SEPTIN9: variants seen among roughly 807,000 people sequenced by gnomAD.
SEPTIN9 encodes the protein septin-9.
Under a neutral mutation model 56.6 loss-of-function variants are expected in SEPTIN9, and 13 were observed. The ratio of observed to expected loss-of-function variants is 0.23; its 90% confidence interval spans 0.15 to 0.37. The LOEUF (loss-of-function observed/expected upper bound fraction) is 0.37, where lower values mean the gene tolerates loss of function less well. Ranked by LOEUF, SEPTIN9 falls within the 10% of genes least tolerant of loss-of-function variation. The probability of loss-of-function intolerance (pLI) is 1.00; values close to 1 mark genes in which losing one functional copy is unlikely to be tolerated. For synonymous variants in SEPTIN9, 332 were observed against 334.1 expected, an observed-to-expected ratio of 0.99 and a Z score of 0.07; for missense variants, 650 against 823.1, an observed-to-expected ratio of 0.79 and a Z score of 2.57.
intron 1 of SEPTIN9, among the ~76,000 whole-genome samples, chr17:77,286,791 G>A (rs1450693486): frequency 6.6e-6 from 1 of 152,312 alleles, no homozygotes; most frequent in Non-Finnish European, 1.5e-5. Context: ...GTGCAGGCCC[G>A]GCCAGGGGGT....
intron 10 of SEPTIN9, 185 bp downstream of exon 10, chr17:77,493,261 G>GT (rs1217898828): frequency 3.3e-6 from 2 of 607,236 alleles, no homozygotes; most frequent in Admixed American, 5.4e-5. Context: ...CAAGTGGCCT[G>GT]TGCAGATGCC....
intron 2 of SEPTIN9, among the ~76,000 whole-genome samples, chr17:77,335,837 T>G (rs2033529329): frequency 1.4e-5 from 1 of 74,072 alleles, no homozygotes; most frequent in African/African-American, 9.7e-5. Flanking sequence ...TATATACATG[T>G]AGGCCCTATG....
chr17:77,411,391 C>G (rs2036290112), intron 3 of SEPTIN9, among the ~76,000 whole-genome samples: 1 of 139,558 alleles, frequency 7.2e-6, no homozygotes, highest in East Asian at 2.0e-4. Context: ...GTTCCTTTTT[C>G]TTTTTCTTTT....
At chr17:77,290,365 C>T (rs1277623904) in intron 1 of SEPTIN9, among the ~76,000 whole-genome samples, 1 of 151,146 alleles carries the variant, frequency 6.6e-6, no homozygotes, top group Non-Finnish European at 1.5e-5. Flanking sequence ...TCACACCATT[C>T]TCCTGCCTCA....
chr17:77,381,048 A>T (rs901017313), intron 2 of SEPTIN9, among the ~76,000 whole-genome samples: 7 of 152,210 alleles, frequency 4.6e-5, no homozygotes, highest in Non-Finnish European at 1.0e-4. Flanking sequence ...AGTGGCATGA[A>T]GAACATTCCT....
intron 3 of SEPTIN9, among the ~76,000 whole-genome samples, chr17:77,407,446 G>A (rs1214095615): frequency 6.6e-6 from 1 of 151,928 alleles, no homozygotes; most frequent in East Asian, 1.9e-4. Flanking sequence ...CCCATGGGTC[G>A]TCCCTAGAGA....
intron 3 of SEPTIN9, among the ~76,000 whole-genome samples, chr17:77,419,367 G>A (rs922619442): frequency 1.2e-4 from 18 of 152,110 alleles, no homozygotes; most frequent in Non-Finnish European, 4.4e-5. Flanking sequence ...AGCAGCAGCC[G>A]CCGCAGGGAC....
chr17:77,406,178 A>T (rs147960133), intron 3 of SEPTIN9, among the ~76,000 whole-genome samples: 220 of 152,142 alleles, frequency 1.4e-3, no homozygotes, highest in Non-Finnish European at 2.6e-3. Context: ...TTCTCTGCTC[A>T]CTCACCATAG....
chr17:77,484,052 G>C (rs1233702736), intron 4 of SEPTIN9: 11 of 152,280 alleles, frequency 7.2e-5, no homozygotes, highest in Admixed American at 7.2e-4. Flanking sequence ...CTCCTCCTCT[G>C]TGAGCCTTAG....
intron 3 of SEPTIN9, among the ~76,000 whole-genome samples, chr17:77,432,462 G>A (rs1368131598): frequency 1.3e-5 from 2 of 152,244 alleles, no homozygotes; most frequent in Non-Finnish European, 2.9e-5. Flanking sequence ...GCCTGGTGCT[G>A]AGAACGGGGG....
At position 77,487,541 on chromosome 17, in the gene SEPTIN9, C is replaced by G. The variant is rs2039844662; in HGVS notation, c.1031C>G (p.Ser344Cys). 1 of 1,613,454 alleles carries G rather than the reference C, an allele frequency of 6.2e-7. No individual in the cohort carries two copies. Among genetic ancestry groups the G allele is most frequent in the East Asian group, 2.2e-5 (1 of 44,872 alleles). Residue 344 changes from serine to cysteine, a missense_variant, in exon 5 of 12, where the codon TCC (serine) becomes TGC (cysteine). Around this residue, in one of 2 missense-constraint regions of SEPTIN9, gnomAD observed 333 missense variants for 494.0 expected, o/e 0.67. Coordinates refer to ENST00000427177, the MANE Select transcript of SEPTIN9 (RefSeq NM_001113491.2). The surrounding 1 kb of genome is among the most constrained non-coding windows in gnomAD (Gnocchi z 4.3). ...ATCCCCAAGACCATCGAGATCAAGT[C>G]CATCACGCACGGTCAGTGGCCGGGA... The part of the protein sequence containing the change: ...ERIPKTIEIK[S>C]ITHDIEEKGV...
In SEPTIN9 at chr17:77,373,728, C is replaced by T. The variant is rs537893146; in HGVS notation, c.77-28331C>T. 1.2e-5 allele frequency: 15 copies of T among 1,274,686 alleles called. No homozygotes were observed. The South Asian group carries it at 1.5e-4, about 13-fold the overall frequency. The allele number at this position is 1,274,686 out of a possible 1,614,324, so 79.0% of individuals were successfully genotyped here. On this transcript the variant is annotated intron_variant, in intron 2 of 11. Coordinates refer to ENST00000427177, the MANE Select transcript of SEPTIN9 (RefSeq NM_001113491.2). ...CCGCGCGCCCCCGGCCCCGTGCCCGCGCCGCCTACGTGGGGGACCCTGTTA... is the reference window on the plus strand; with the variant it reads ...CCGCGCGCCCCCGGCCCCGTGCCCGTGCCGCCTACGTGGGGGACCCTGTTA...
chr17:77,344,619 G>A (rs182690910), intron 2 of SEPTIN9, among the ~76,000 whole-genome samples: 82 of 152,246 alleles, frequency 5.4e-4, no homozygotes, highest in African/African-American at 1.1e-3. Flanking sequence ...GTCCACCAGC[G>A]GATGAATGAA....
At chr17:77,392,698 C>G (rs1263627731) in intron 2 of SEPTIN9, among the ~76,000 whole-genome samples, 1 of 152,158 alleles carries the variant, frequency 6.6e-6, no homozygotes, top group African/African-American at 2.4e-5. Flanking sequence ...TGGTTCTTCC[C>G]TCCCAGACCT....
chr17:77,281,607 C>T, intron 1 of SEPTIN9, 53 bp downstream of exon 1: 1 of 1,502,032 alleles, frequency 6.7e-7, no homozygotes. Context: ...ACCAGCGCTG[C>T]TCACCTGAGT....
intron 2 of SEPTIN9, chr17:77,380,340 G>T (rs911337519): frequency 1.1e-5 from 1 of 87,340 alleles, no homozygotes; most frequent in Non-Finnish European, 2.3e-5. Flanking sequence ...GGGGGAGGCC[G>T]GGAATGCGGG....
intron 1 of SEPTIN9, among the ~76,000 whole-genome samples, chr17:77,284,939 T>C (rs1178966757): frequency 1.3e-5 from 2 of 152,202 alleles, no homozygotes; most frequent in East Asian, 1.9e-4. Flanking sequence ...GCCTCATTTG[T>C]TAAATGGGAC....
intron 1 of SEPTIN9, among the ~76,000 whole-genome samples, chr17:77,300,842 C>G (rs1342031562): frequency 8.3e-6 from 1 of 120,498 alleles, no homozygotes; most frequent in Non-Finnish European, 1.8e-5. Context: ...CAAAGCGCCC[C>G]CACCCCAGGC....
At chr17:77,292,826 G>A (rs1005931641) in intron 1 of SEPTIN9, among the ~76,000 whole-genome samples, 3 of 152,038 alleles carry the variant, frequency 2.0e-5, no homozygotes, top group African/African-American at 7.2e-5. Context: ...ACCAGGCCTG[G>A]CTGTAGTTGG....
Sources: gnomAD v4.1 joint callset for allele counts (sites outside exome capture counted in the v4.1 genomes callset) on GRCh38, gnomAD v4.1.1 for gene constraint, gnomAD v4.1.1 regional missense constraint, Gnocchi (gnomAD v3.1) non-coding constraint, MANE v1.5 for transcripts, NCBI Gene and HGNC (gene_info 2026-07-23, HGNC 2026-07-21) for gene names.